The following ZNF727 variants were observed in gnomAD, a reference collection of about 807,000 sequenced individuals.
ZNF727 encodes zinc finger protein 727.
A neutral mutation model predicts 11.5 loss-of-function variants in ZNF727; 11 were observed. That is an observed-to-expected ratio of 0.95 (90% CI 0.60 to 1.58). ZNF727 has a LOEUF of 1.58. Among genes scored for constraint, ZNF727 ranks in the 40% most tolerant of loss-of-function variants. The pLI is 0.00. For synonymous variants in ZNF727, 171 were observed against 196.1 expected, an observed-to-expected ratio of 0.87 and a Z score of 1.07; for missense variants, 533 against 581.7, an observed-to-expected ratio of 0.92 and a Z score of 0.86.
intron 1 of ZNF727, among the ~76,000 whole-genome samples, chr7:64,068,017 G>T (rs1415106814): frequency 2.6e-5 from 4 of 152,138 alleles, no homozygotes; most frequent in Non-Finnish European, 4.4e-5. Context: ...GTTTCTTCAT[G>T]ACTAGGCTCA....
intron 1 of ZNF727, among the ~76,000 whole-genome samples, chr7:64,056,289 G>GA (rs1789685381): frequency 6.6e-6 from 1 of 152,114 alleles, no homozygotes; most frequent in South Asian, 2.1e-4. Context: ...ATAAGGCTAT[G>GA]TACGATATGC....
At chr7:64,062,685 A>ATATATATATATATATATATATAT (rs1789790050) in intron 1 of ZNF727, among the ~76,000 whole-genome samples, 2 of 89,974 alleles carry the variant, frequency 2.2e-5, no homozygotes, top group African/African-American at 3.6e-5. Flanking sequence ...CTTGTACTTG[A>ATATATATATATATATATATATAT]ATATATATAT....
chr7:64,055,113 T>A (rs1388722287), intron 1 of ZNF727, among the ~76,000 whole-genome samples: 1 of 152,126 alleles, frequency 6.6e-6, no homozygotes, highest in Non-Finnish European at 1.5e-5. Flanking sequence ...ATATATTATT[T>A]TAATCCATTA....
chr7:64,068,911 T>A lies in ZNF727; in HGVS notation c.24T>A (p.Asp8Glu), dbSNP rs1789913836. 1.2e-5 allele frequency: 19 copies of A among 1,601,474 alleles called. No homozygotes were observed. The highest frequency in any genetic ancestry group is 1.5e-5 in the Non-Finnish European group (18 of 1,173,308). MRVLTFR[D>E]VAVEFSPEEW... ...TTCAGCGAGTGCTAACATTCAGGGA[T>A]GTGGCTGTAGAATTCTCCCCAGAAG... The change falls in exon 2 of 4, where the codon GAT (aspartate) becomes GAA (glutamate). Residue 8 changes from aspartate (D) to glutamate (E), a missense_variant. Transcript: ENST00000456806.
Position 64,077,862 on chromosome 7 carries a change from T to TA in ZNF727, c.814dup (p.Thr272AsnfsTer2), listed in dbSNP as rs745732891. Reference sequence around the variant, plus strand: ...AAGCCTTTAGGTGTTGCTCAGACCTTACTAAACATAAGAGAATTCATACTG... The same window carrying TA: ...AAGCCTTTAGGTGTTGCTCAGACCTTAACTAAACATAAGAGAATTCATACTG... On this transcript the variant is annotated frameshift_variant, in exon 4 of 4. Transcript: ENST00000456806. LOFTEE classifies it low-confidence loss of function (END_TRUNC). 2.0e-5 allele frequency: 32 copies of TA among 1,569,832 alleles called. No individual in the cohort carries two copies. The highest frequency in any genetic ancestry group is 3.8e-5 in the Admixed American group (2 of 52,988).
At chr7:64,057,255 T>C (rs1183051757) in intron 1 of ZNF727, among the ~76,000 whole-genome samples, 5 of 152,160 alleles carry the variant, frequency 3.3e-5, no homozygotes, top group Non-Finnish European at 2.9e-5. Flanking sequence ...TATACTGTTT[T>C]AAAAAGTAAA....
chr7:64,078,485 C>T lies in ZNF727; in HGVS notation c.1436C>T (p.Pro479Leu), dbSNP rs1429588419. 3 of 1,565,536 alleles carry T rather than the reference C, an allele frequency of 1.9e-6. No homozygotes were observed. Among genetic ancestry groups the T allele is most frequent in the East Asian group, 4.8e-5 (2 of 41,752 alleles). The change falls in exon 4 of 4, where the codon CCT becomes CTT. Residue 479 changes from proline to leucine, a missense_variant. This residue lies in a region of ZNF727 where 54 missense variants were observed against 48.6 expected (regional missense o/e 1.11). Transcript: ENST00000456806. ...KHKRSHTGDRPTSAKNVAKPL... is the reference protein window; with the variant it reads ...KHKRSHTGDRLTSAKNVAKPL... ...AAGAGAAGTCATACTGGAGACAGAC[C>T]TACAAGTGCAAAGAATGTGGCAAAG...
intron 1 of ZNF727, among the ~76,000 whole-genome samples, chr7:64,057,192 C>CA (rs1245594577): frequency 6.6e-6 from 1 of 152,042 alleles, no homozygotes; most frequent in Non-Finnish European, 1.5e-5. Context: ...TCAATAGGTT[C>CA]AGTGCTCTCT....
chr7:64,054,442 C>T (rs915441025), intron 1 of ZNF727, among the ~76,000 whole-genome samples: 2 of 152,194 alleles, frequency 1.3e-5, no homozygotes, highest in Admixed American at 6.5e-5. Context: ...ATCTTAATAG[C>T]TGCTGAGTGT....
At chr7:64,049,448 C>T (rs1421809882) in intron 1 of ZNF727, among the ~76,000 whole-genome samples, 3 of 151,864 alleles carry the variant, frequency 2.0e-5, no homozygotes, top group Non-Finnish European at 1.5e-5. Flanking sequence ...TTTCCTTGTA[C>T]ACTCTGTATG....
chr7:64,064,465 A>C (rs1789831752), intron 1 of ZNF727, among the ~76,000 whole-genome samples: 1 of 152,080 alleles, frequency 6.6e-6, no homozygotes, highest in South Asian at 2.1e-4. Context: ...ATGATGTCCA[A>C]GCTGCGGGAC....
At chr7:64,046,489 T>C (rs931050484) in intron 1 of ZNF727, among the ~76,000 whole-genome samples, 1 of 152,346 alleles carries the variant, frequency 6.6e-6, no homozygotes, top group Non-Finnish European at 1.5e-5. Context: ...CCTCTTGGTA[T>C]TGACCTCTCG....
intron 1 of ZNF727, among the ~76,000 whole-genome samples, chr7:64,046,783 T>C (rs1595623): frequency 0.76 from 115,436 of 152,180 alleles, 43,905 homozygotes; most frequent in Admixed American, 0.79. Flanking sequence ...TCAGAGAATA[T>C]CCAACTATGG....
At chr7:64,053,324 G>GTTA (rs1270297626) in intron 1 of ZNF727, among the ~76,000 whole-genome samples, 2 of 152,046 alleles carry the variant, frequency 1.3e-5, no homozygotes, top group Admixed American at 1.3e-4. Flanking sequence ...TGTTGTTGTT[G>GTTA]TTGATTTTTC....
chr7:64,082,830 G>A lies in ZNF727; in HGVS notation c.*4281G>A, dbSNP rs528837812. ...CCAGGAGGCAGATGTTGCTGTGAGC[G>A]GAGATTGTGCCACTGCACTCCAGCC... is the stretch of plus-strand genomic sequence containing the variant. On this transcript the variant is annotated 3_prime_UTR_variant, in exon 4 of 4. Transcript: ENST00000456806. 7.2e-4 allele frequency among the ~76,000 whole-genome samples: 109 copies of A among 151,846 alleles called. 1 individual carries two copies. The highest frequency in any genetic ancestry group is 2.6e-4 in the Admixed American group (4 of 15,238).
intron 1 of ZNF727, among the ~76,000 whole-genome samples, chr7:64,050,187 CT>C (rs200788945): frequency 2.7e-5 from 4 of 150,580 alleles, no homozygotes; most frequent in East Asian, 1.9e-4. Flanking sequence ...AATATTTGGG[CT>C]TTTTTTTTAA....
At chr7:64,064,479 GTCT>G (rs1379373157) in intron 1 of ZNF727, among the ~76,000 whole-genome samples, 1 of 152,096 alleles carries the variant, frequency 6.6e-6, no homozygotes, top group Non-Finnish European at 1.5e-5. Flanking sequence ...GCGGGACAAA[GTCT>G]TCTTTACTCT....
At chr7:64,065,054 G>A (rs1789841090) in intron 1 of ZNF727, among the ~76,000 whole-genome samples, 2 of 152,120 alleles carry the variant, frequency 1.3e-5, no homozygotes, top group Admixed American at 1.3e-4. Context: ...TTCTTATTTG[G>A]ATAGTCATTC....
intron 3 of ZNF727, among the ~76,000 whole-genome samples, chr7:64,072,900 C>T (rs557566007): frequency 4.4e-4 from 67 of 152,054 alleles, no homozygotes; most frequent in Non-Finnish European, 6.3e-4. Flanking sequence ...GGGGTCTCAC[C>T]GTATCACCCA....
Sources: gnomAD v4.1 joint callset for allele counts (sites outside exome capture counted in the v4.1 genomes callset) on GRCh38, gnomAD v4.1.1 for gene constraint, gnomAD v4.1.1 regional missense constraint, MANE v1.5 for transcripts, NCBI Gene and HGNC (gene_info 2026-07-23, HGNC 2026-07-21) for gene names.